CLIC5: variants seen among roughly 807,000 people sequenced by gnomAD.
CLIC5 encodes CLIC family member 5, also known as chloride intracellular channel protein 5.
Under a neutral mutation model 24.7 loss-of-function variants are expected in CLIC5, and 20 were observed. The observed-to-expected ratio is 0.81, with a 90% CI of 0.57 to 1.18. The LOEUF (loss-of-function observed/expected upper bound fraction) is 1.18. Ranked by LOEUF, CLIC5 falls within the 50% of genes most tolerant of loss-of-function variation. The pLI is 0.00. For synonymous variants in CLIC5, 159 were observed against 135.6 expected, an observed-to-expected ratio of 1.17 and a Z score of -1.20; for missense variants, 341 against 326.1, an observed-to-expected ratio of 1.05 and a Z score of -0.35.
At chr6:45,891,230 CA>C (rs1207540392) in intron 6 of CLIC5, among the ~76,000 whole-genome samples, 1 of 151,812 alleles carries the variant, frequency 6.6e-6, no homozygotes, top group Non-Finnish European at 1.5e-5. Flanking sequence ...TAAAATAAGA[CA>C]AAAAAAGAAA....
At chr6:46,125,410 A>G in the CLIC5 span, among the ~76,000 whole-genome samples, 1 of 152,058 alleles carries the variant, frequency 6.6e-6, no homozygotes, top group Admixed American at 6.6e-5. Flanking sequence ...GGAACATCAC[A>G]CACCAGGGCC....
chr6:46,098,700 C>T, the CLIC5 span, among the ~76,000 whole-genome samples: 1 of 152,176 alleles, frequency 6.6e-6, no homozygotes, highest in Non-Finnish European at 1.5e-5. Context: ...GTGGAAGGTG[C>T]TTCTGCAACG....
At chr6:45,930,882 G>A (rs1026534369) in intron 4 of CLIC5, among the ~76,000 whole-genome samples, 4 of 152,172 alleles carry the variant, frequency 2.6e-5, no homozygotes, top group Non-Finnish European at 5.9e-5. Flanking sequence ...GGAGGCTGAG[G>A]CATACTGAAA....
At chr6:46,103,175 C>T in the CLIC5 span, among the ~76,000 whole-genome samples, 5 of 151,998 alleles carry the variant, frequency 3.3e-5, no homozygotes, top group South Asian at 1.0e-3. Flanking sequence ...TGCAGCAAAA[C>T]TTATAATTAA....
chr6:46,012,441 G>A (rs1203798128), intron 1 of CLIC5, among the ~76,000 whole-genome samples: 1 of 152,162 alleles, frequency 6.6e-6, no homozygotes, highest in Non-Finnish European at 1.5e-5. Context: ...TCTCTTAAAA[G>A]TCACTGTCAG....
At chr6:46,040,608 G>A (rs1767779969) in intron 1 of CLIC5, among the ~76,000 whole-genome samples, 1 of 151,970 alleles carries the variant, frequency 6.6e-6, no homozygotes, top group South Asian at 2.1e-4. Flanking sequence ...AGTTGATGAT[G>A]GTGGTGGTGG....
chr6:45,953,726 C>T (rs1191469363), intron 2 of CLIC5, among the ~76,000 whole-genome samples: 1 of 151,956 alleles, frequency 6.6e-6, no homozygotes, highest in South Asian at 2.1e-4. Flanking sequence ...GGAATAATAA[C>T]CTTAGAATCA....
chr6:46,124,465 T>C, the CLIC5 span, among the ~76,000 whole-genome samples: 4 of 152,338 alleles, frequency 2.6e-5, no homozygotes, highest in Non-Finnish European at 4.4e-5. Context: ...CCTAAAACCA[T>C]TGAAACCCTA....
At chr6:46,011,316 A>G (rs1219349347) in intron 1 of CLIC5, among the ~76,000 whole-genome samples, 1 of 152,196 alleles carries the variant, frequency 6.6e-6, no homozygotes, top group Non-Finnish European at 1.5e-5. Flanking sequence ...TGGACATTTA[A>G]TCAGCATTAG....
At chr6:45,978,484 CT>C (rs1765459665) in intron 1 of CLIC5, among the ~76,000 whole-genome samples, 1 of 152,186 alleles carries the variant, frequency 6.6e-6, no homozygotes, top group Non-Finnish European at 1.5e-5. Flanking sequence ...TTAAGAACTT[CT>C]AGAACAGTGG....
intron 1 of CLIC5, among the ~76,000 whole-genome samples, chr6:46,070,899 TAGAC>T (rs1351012254): frequency 7.2e-5 from 11 of 152,026 alleles, no homozygotes; most frequent in African/African-American, 2.7e-4. Context: ...TGGAACAGAA[TAGAC>T]AGCCCCAAAA....
intron 5 of CLIC5, among the ~76,000 whole-genome samples, chr6:45,906,391 G>A (rs1762659192): frequency 6.6e-6 from 1 of 152,114 alleles, no homozygotes. Context: ...ATTTCCTTAA[G>A]TAGTGTTTTA....
chr6:46,125,238 T>G, the CLIC5 span, among the ~76,000 whole-genome samples: 2 of 152,154 alleles, frequency 1.3e-5, no homozygotes, highest in South Asian at 4.1e-4. Context: ...CACAGAATAC[T>G]ATGCAGCCAT....
chr6:45,996,118 A>T (rs1177447967), intron 1 of CLIC5, among the ~76,000 whole-genome samples: 3 of 149,036 alleles, frequency 2.0e-5, no homozygotes, highest in Admixed American at 6.6e-5. Flanking sequence ...GTACCTCAGA[A>T]CTAAAAAAAA....
intron 1 of CLIC5, among the ~76,000 whole-genome samples, chr6:46,045,740 T>C (rs573005245): frequency 6.6e-6 from 1 of 152,254 alleles, no homozygotes; most frequent in Admixed American, 6.5e-5. Context: ...ATTTAGTAAA[T>C]TATTACAAAT....
At chr6:45,937,961 A>G (rs966074835) in intron 4 of CLIC5, among the ~76,000 whole-genome samples, 1 of 152,212 alleles carries the variant, frequency 6.6e-6, no homozygotes, top group African/African-American at 2.4e-5. Flanking sequence ...AGAGGGCAGA[A>G]AAGGATCATG....
Position 46,009,626 on chromosome 6 carries a change from T to C in CLIC5, c.63+5854A>G, listed in dbSNP as rs112561834. ...CAGAGAGTGAGAGCCTACGACATTT[T>C]CCCCATAATCCTGGTAGATAATACG... On this transcript the variant is annotated intron_variant, in intron 1 of 5. Coordinates refer to ENST00000339561, the MANE Select transcript of CLIC5 (RefSeq NM_016929.5). 1.6e-3 allele frequency among the ~76,000 whole-genome samples: 249 copies of C among 152,326 alleles called. 1 individual carries two copies. The highest frequency in any genetic ancestry group is 2.9e-3 in the East Asian group (15 of 5,184).
At chr6:46,120,186 A>T in the CLIC5 span, among the ~76,000 whole-genome samples, 1 of 152,324 alleles carries the variant, frequency 6.6e-6, no homozygotes, top group East Asian at 1.9e-4. Context: ...ACCCACCAGT[A>T]GGGGCAGACT....
chr6:45,911,503 T>C (rs1319990487), intron 5 of CLIC5: 4 of 668,440 alleles, frequency 6.0e-6, no homozygotes, highest in African/African-American at 3.9e-5. Flanking sequence ...GCAGGAGTGG[T>C]GGCCTGACCA....
Sources: gnomAD v4.1 joint callset for allele counts (sites outside exome capture counted in the v4.1 genomes callset) on GRCh38, gnomAD v4.1.1 for gene constraint, MANE v1.5 for transcripts, NCBI Gene and HGNC (gene_info 2026-07-23, HGNC 2026-07-21) for gene names.